The following GRID2 variants were observed in gnomAD, a reference collection of about 807,000 sequenced individuals.
The protein encoded by GRID2 is glutamate ionotropic receptor delta type subunit 2.
Under a neutral mutation model 114.8 loss-of-function variants are expected in GRID2, and 33 were observed. That is an observed-to-expected ratio of 0.29 (90% CI 0.22 to 0.38). GRID2 has a LOEUF of 0.38. Among genes scored for constraint, GRID2 ranks in the 10% least tolerant of loss-of-function variants. The probability of loss-of-function intolerance (pLI) is 1.00; values close to 1 mark genes in which losing one functional copy is unlikely to be tolerated. For missense variants in GRID2, 1,184 were observed against 1,257.7 expected (o/e 0.94, Z 0.89); for synonymous variants, 505 against 449.9 (o/e 1.12, Z -1.55).
At chr4:92,757,241 G>A (rs569864373) in intron 2 of GRID2, among the ~76,000 whole-genome samples, 2 of 152,112 alleles carry the variant, frequency 1.3e-5, no homozygotes, top group South Asian at 2.1e-4. Flanking sequence ...AATACATTGT[G>A]GAGGCCACTT....
At position 93,167,951 on chromosome 4, in the gene GRID2, T is replaced by C. The variant is rs74711773; in HGVS notation, c.736-39453T>C. Among the ~76,000 whole-genome samples, 48 of 152,216 alleles carry C rather than the reference T, an allele frequency of 3.2e-4. No individual in the cohort carries two copies. The East Asian group carries it at 9.3e-3, about 29-fold the overall frequency. ...GCTCACACCTGTATTCCCAGCACTTTGGGTGAACGAGGCAGGTGCATCACT... is the reference window on the plus strand; with the variant it reads ...GCTCACACCTGTATTCCCAGCACTTCGGGTGAACGAGGCAGGTGCATCACT... On this transcript the variant is annotated intron_variant, in intron 4 of 15. Coordinates refer to ENST00000282020, the MANE Select transcript of GRID2 (RefSeq NM_001510.4).
intron 11 of GRID2, among the ~76,000 whole-genome samples, chr4:93,459,631 G>A (rs1723550915): frequency 6.6e-6 from 1 of 152,118 alleles, no homozygotes; most frequent in African/African-American, 2.4e-5. Context: ...AATTTATTCA[G>A]TTTTTCAGTG....
intron 1 of GRID2, among the ~76,000 whole-genome samples, chr4:92,441,021 C>A (rs1733031940): frequency 6.6e-6 from 1 of 151,856 alleles, no homozygotes; most frequent in Non-Finnish European, 1.5e-5. Flanking sequence ...TTGAGGGCCT[C>A]TAAAAGTATT....
chr4:93,292,096 G>A lies in GRID2; in HGVS notation c.1245+53606G>A, dbSNP rs771604518. 2.9e-4 allele frequency among the ~76,000 whole-genome samples: 44 copies of A among 152,254 alleles called. 1 individual carries two copies. Among genetic ancestry groups the A allele is most frequent in the Non-Finnish European group, 6.0e-4 (41 of 68,014 alleles). On this transcript the variant is annotated intron_variant, in intron 8 of 15. Coordinates refer to ENST00000282020, the MANE Select transcript of GRID2 (RefSeq NM_001510.4). ...AAGATGCTGCTCAGAAATTGTTTTT[G>A]CTCTTGGTGATTAAGGACTTGTGAT...
chr4:93,195,718 C>T (rs2149452716), intron 4 of GRID2, among the ~76,000 whole-genome samples: 1 of 152,286 alleles, frequency 6.6e-6, no homozygotes, highest in South Asian at 2.1e-4. Flanking sequence ...TTTGCAATAA[C>T]ACCAAAGCAC....
At chr4:92,362,759 G>C (rs1728677970) in intron 1 of GRID2, among the ~76,000 whole-genome samples, 1 of 151,972 alleles carries the variant, frequency 6.6e-6, no homozygotes, top group South Asian at 2.1e-4. Context: ...CAAACACATT[G>C]TACTCATTTA....
At chr4:92,975,509 T>C (rs1753817101) in intron 2 of GRID2, among the ~76,000 whole-genome samples, 1 of 152,120 alleles carries the variant, frequency 6.6e-6, no homozygotes, top group South Asian at 2.1e-4. Context: ...ATCTATGTCA[T>C]TTATTGTATC....
At chr4:92,317,192 A>G (rs1384774314) in intron 1 of GRID2, among the ~76,000 whole-genome samples, 1 of 152,152 alleles carries the variant, frequency 6.6e-6, no homozygotes, top group Non-Finnish European at 1.5e-5. Context: ...TTACTAATCT[A>G]TCCTCACTGC....
At chr4:92,829,444 C>G (rs1741949673) in intron 2 of GRID2, among the ~76,000 whole-genome samples, 1 of 152,078 alleles carries the variant, frequency 6.6e-6, no homozygotes, top group Non-Finnish European at 1.5e-5. Context: ...ACAACAGATG[C>G]TGGGGAGGTT....
At chr4:92,641,027 G>A (rs903019974) in intron 2 of GRID2, among the ~76,000 whole-genome samples, 5 of 151,594 alleles carry the variant, frequency 3.3e-5, no homozygotes, top group East Asian at 2.0e-4. Context: ...CAAAAGAAGA[G>A]AGGGAAGGAA....
At chr4:92,495,918 C>T (rs1203364285) in intron 1 of GRID2, among the ~76,000 whole-genome samples, 1 of 151,674 alleles carries the variant, frequency 6.6e-6, no homozygotes, top group African/African-American at 2.4e-5. Flanking sequence ...GCAACTATAC[C>T]CAGACATGCA....
At chr4:93,720,547 G>C (rs1729275482) in intron 14 of GRID2, among the ~76,000 whole-genome samples, 1 of 152,096 alleles carries the variant, frequency 6.6e-6, no homozygotes, top group Non-Finnish European at 1.5e-5. Context: ...CTATACACCA[G>C]GTACTGTACT....
At chr4:92,450,986 G>A (rs901050501) in intron 1 of GRID2, among the ~76,000 whole-genome samples, 14 of 151,210 alleles carry the variant, frequency 9.3e-5, no homozygotes, top group African/African-American at 3.4e-4. Context: ...ACAAATAGTT[G>A]TTTCTATTCA....
At chr4:93,342,528 G>T (rs1035260156) in intron 8 of GRID2, among the ~76,000 whole-genome samples, 11 of 152,078 alleles carry the variant, frequency 7.2e-5, no homozygotes, top group African/African-American at 2.7e-4. Context: ...TGTTACTTTG[G>T]TGAGGGCAAG....
chr4:92,332,541 A>G (rs1206091126), intron 1 of GRID2, among the ~76,000 whole-genome samples: 1 of 152,176 alleles, frequency 6.6e-6, no homozygotes, highest in Non-Finnish European at 1.5e-5. Context: ...ATTTCATCCT[A>G]TAGTCCCCCA....
intron 2 of GRID2, among the ~76,000 whole-genome samples, chr4:92,610,504 A>G (rs1395381544): frequency 6.6e-6 from 1 of 151,622 alleles, no homozygotes; most frequent in East Asian, 1.9e-4. Context: ...GAGAACTCAG[A>G]TGCTCCACTT....
chr4:92,829,911 A>G (rs968091928), intron 2 of GRID2, among the ~76,000 whole-genome samples: 2 of 152,032 alleles, frequency 1.3e-5, no homozygotes, highest in African/African-American at 4.8e-5. Flanking sequence ...GGAGGGGAAC[A>G]TCACACACGA....
rs747726881 is a variant in GRID2, at chr4:93,422,783, G to A, written c.1360G>A (p.Val454Met). 3 of 1,611,358 alleles carry A rather than the reference G, an allele frequency of 1.9e-6. No homozygotes were observed. The highest frequency in any genetic ancestry group is 2.5e-6 in the Non-Finnish European group (3 of 1,177,586). ...RVVTVLEEPF[V>M]MVSENVLGKP... ...TATTTCCATGTAGGAAGAACCTTTTGTGATGGTCTCTGAAAATGTCTTGGG... is the reference window on the plus strand; with the variant it reads ...TATTTCCATGTAGGAAGAACCTTTTATGATGGTCTCTGAAAATGTCTTGGG... Residue 454 changes from valine (V) to methionine (M), a missense_variant, in exon 10 of 16, where the codon GTG (valine) becomes ATG (methionine). Coordinates refer to ENST00000282020, the MANE Select transcript of GRID2 (RefSeq NM_001510.4).
intron 2 of GRID2, among the ~76,000 whole-genome samples, chr4:92,945,279 A>G (rs1360849509): frequency 1.3e-5 from 2 of 152,066 alleles, no homozygotes; most frequent in East Asian, 1.9e-4. Context: ...GTTGAAAGTA[A>G]TTTTCTCTCA....
Sources: allele counts gnomAD v4.1 joint callset (sites outside exome capture counted in the v4.1 genomes callset), GRCh38; gene constraint gnomAD v4.1.1; transcripts MANE v1.5; gene names NCBI Gene and HGNC (gene_info 2026-07-23, HGNC 2026-07-21).